The following TRIM37 variants were observed in gnomAD, a reference collection of about 807,000 sequenced individuals.
TRIM37 encodes tripartite motif containing 37, also known as E3 ubiquitin-protein ligase TRIM37.
A neutral mutation model predicts 129.8 loss-of-function variants in TRIM37; 80 were observed. That is an observed-to-expected ratio of 0.62 (90% confidence interval 0.51 to 0.74). The LOEUF (loss-of-function observed/expected upper bound fraction) is 0.74. TRIM37 is among the 30% of genes least tolerant of loss of function. The pLI, the probability that TRIM37 is intolerant of heterozygous loss-of-function variation, is 0.00. For synonymous variants in TRIM37, 389 were observed against 387.1 expected, an observed-to-expected ratio of 1.00 and a Z score of -0.06; for missense variants, 1,054 against 1,176.5, an observed-to-expected ratio of 0.90 and a Z score of 1.52.
chr17:59,001,152 G>A (rs568672480), intron 23 of TRIM37, among the ~76,000 whole-genome samples: 24 of 144,668 alleles, frequency 1.7e-4, no homozygotes, highest in Middle Eastern at 3.8e-3. Context: ...CCAAGATCAC[G>A]CCACAGCACT....
At chr17:59,001,469 AGAAGT>A in intron 23 of TRIM37, 124 bp downstream of exon 23, 21 of 1,067,714 alleles carry the variant, frequency 2.0e-5, no homozygotes, top group South Asian at 7.4e-5. Flanking sequence ...AAAAAAAAAA[AGAAGT>A]AGAAGCAGAA....
chr17:58,968,098 G>A, the TRIM37 span, among the ~76,000 whole-genome samples: 14 of 152,068 alleles, frequency 9.2e-5, no homozygotes, highest in Non-Finnish European at 1.3e-4. Flanking sequence ...CACCGCACCC[G>A]GCCAGGATTA....
intron 12 of TRIM37, chr17:59,059,344 A>C (rs1286123935): frequency 6.7e-6 from 1 of 149,858 alleles, no homozygotes; most frequent in African/African-American, 2.5e-5. Flanking sequence ...CTGTACTCCA[A>C]GCTGGGTGAT....
chr17:58,998,561 T>C lies in TRIM37; in HGVS notation c.*816A>G, dbSNP rs1322510065. The C allele has an allele frequency of 1.0e-6, 1 of 985,252 alleles. No homozygotes were observed. Among genetic ancestry groups the C allele is most frequent in the East Asian group, 1.1e-4 (1 of 8,834 alleles). The allele number at this position is 985,252 out of a possible 1,614,324, so 61.0% of individuals were successfully genotyped here. A position where few individuals can be genotyped will look rare whatever the true frequency, so the allele number is the denominator to read the frequency against. Reference sequence around the variant, plus strand: ...CAACATGAATGAATCTTTAAATGTGTTGACACTGAAATCAATGTACAACTA... The same window carrying C: ...CAACATGAATGAATCTTTAAATGTGCTGACACTGAAATCAATGTACAACTA... On this transcript the variant is annotated 3_prime_UTR_variant, in exon 24 of 24. Coordinates refer to ENST00000262294, the MANE Select transcript of TRIM37 (RefSeq NM_015294.6).
At chr17:59,065,919 T>C (rs544571355) in intron 9 of TRIM37, among the ~76,000 whole-genome samples, 3 of 152,350 alleles carry the variant, frequency 2.0e-5, no homozygotes, top group Non-Finnish European at 2.9e-5. Context: ...CAGATGTACT[T>C]TGCCCTGTGA....
In TRIM37 at chr17:58,998,277, G is replaced by C. The variant is rs1459045403; in HGVS notation, c.*1100C>G. 6.1e-6 allele frequency: 6 copies of C among 985,318 alleles called. No homozygotes were observed. In the African/African-American group the frequency reaches 1.0e-4, roughly 17 times the overall value. 61.0% of individuals were successfully genotyped at this position (985,318 alleles called of 1,614,324 possible). ...AGTAAACTATGAGTCACAGCATTCAGCAAGACATCAGACACGGAAGAGTGA... is the reference window on the plus strand; with the variant it reads ...AGTAAACTATGAGTCACAGCATTCACCAAGACATCAGACACGGAAGAGTGA... On this transcript the variant is annotated 3_prime_UTR_variant, in exon 24 of 24. Transcript: ENST00000262294.
chr17:59,100,380 G>A (rs2045344691), intron 2 of TRIM37, among the ~76,000 whole-genome samples: 3 of 152,194 alleles, frequency 2.0e-5, no homozygotes, highest in South Asian at 2.1e-4. Flanking sequence ...TAAACAAATT[G>A]TGGTAAATAC....
the TRIM37 span, chr17:58,972,124 G>A: frequency 6.2e-7 from 1 of 1,609,836 alleles, no homozygotes. Context: ...TATTTAAACT[G>A]TTTTCAGAGC....
chr17:58,999,647 G>A (rs1414288922), intron 23 of TRIM37, among the ~76,000 whole-genome samples, 188 bp from the exon 24 acceptor site: 1 of 151,848 alleles, frequency 6.6e-6, no homozygotes, highest in African/African-American at 2.4e-5. Context: ...AAACACAAAG[G>A]AAAAATAAAG....
At chr17:58,974,011 C>T in the TRIM37 span, among the ~76,000 whole-genome samples, 1 of 149,234 alleles carries the variant, frequency 6.7e-6, no homozygotes, top group South Asian at 2.1e-4. Context: ...TGCCTGTAGT[C>T]CTAGTACACA....
intron 11 of TRIM37, among the ~76,000 whole-genome samples, chr17:59,061,397 C>T (rs1399577358): frequency 1.3e-5 from 2 of 151,344 alleles, no homozygotes; most frequent in African/African-American, 2.4e-5. Flanking sequence ...AATAAAAAAA[C>T]AAGACCCTAA....
At position 59,022,922 on chromosome 17, in the gene TRIM37, T is replaced by C. The variant is rs183275590; in HGVS notation, c.2257+5493A>G. ...AAGCCTTTGTTACATATTTTGCAGA[T>C]ACAGTTGACGCTTGAACAGCACAGG... On this transcript the variant is annotated intron_variant, in intron 19 of 23. Transcript: ENST00000262294. 3.6e-3 allele frequency among the ~76,000 whole-genome samples: 550 copies of C among 152,306 alleles called. 3 individuals are homozygous for C. The highest frequency in any genetic ancestry group is 3.5e-3 in the Non-Finnish European group (236 of 68,014).
rs572351110 is a variant in TRIM37, at chr17:59,002,347, G to A, written c.2696-633C>T. ...ACTCCTAAGCTCAAGGGATACTTCC[G>A]CCTTAGCCTCCCAAGTAGATAGGTC... On this transcript the variant is annotated intron_variant, in intron 22 of 23. Transcript: ENST00000262294. Among the ~76,000 whole-genome samples, 17 of 152,114 alleles carry A rather than the reference G, an allele frequency of 1.1e-4. No homozygotes were observed. The South Asian group carries it at 3.3e-3, about 30-fold the overall frequency.
chr17:59,053,613 C>T (rs773250616), intron 13 of TRIM37, among the ~76,000 whole-genome samples: 3 of 151,866 alleles, frequency 2.0e-5, no homozygotes, highest in Non-Finnish European at 4.4e-5. Context: ...TAATAAGTAA[C>T]GCTAATAAGG....
In TRIM37 at chr17:59,070,342, T is replaced by C. The variant is rs114403630; in HGVS notation, c.809+481A>G. On this transcript the variant is annotated intron_variant, in intron 9 of 23. Coordinates refer to ENST00000262294, the MANE Select transcript of TRIM37 (RefSeq NM_015294.6). ...ATTCTTTTGGCATTTCATCAGTTTC[T>C]GAGTTTTGTGTTAGGAGATATAGTT... 9.6e-3 allele frequency among the ~76,000 whole-genome samples: 1,456 copies of C among 152,350 alleles called. 20 individuals are homozygous for C. Among genetic ancestry groups the C allele is most frequent in the African/African-American group, 0.033 (1,359 of 41,574 alleles).
intron 9 of TRIM37, among the ~76,000 whole-genome samples, chr17:59,067,049 TA>T (rs1469046054): frequency 1.3e-5 from 2 of 152,168 alleles, no homozygotes; most frequent in Non-Finnish European, 2.9e-5. Context: ...TTTATTTATT[TA>T]TTTTTTTGAG....
chr17:58,979,976 G>A, downstream of TRIM37: 1 of 1,609,004 alleles, frequency 6.2e-7, no homozygotes, highest in Non-Finnish European at 8.5e-7. Context: ...TCCCGCAGGA[G>A]ATGCTGAACA....
At chr17:59,031,816 C>G (rs2037875327) in intron 18 of TRIM37, 80 bp downstream of exon 18, 5 of 1,419,596 alleles carry the variant, frequency 3.5e-6, no homozygotes, top group Non-Finnish European at 4.9e-6. Context: ...CCACACATAG[C>G]TGAAATACTT....
At chr17:59,101,075 T>C (rs2147589012) in intron 2 of TRIM37, among the ~76,000 whole-genome samples, 1 of 150,298 alleles carries the variant, frequency 6.7e-6, no homozygotes, top group Non-Finnish European at 1.5e-5. Flanking sequence ...ACTTTAAATA[T>C]GTGTAGTTTA....
Sources: gnomAD v4.1 joint callset for allele counts (sites outside exome capture counted in the v4.1 genomes callset) on GRCh38, gnomAD v4.1.1 for gene constraint, MANE v1.5 for transcripts, NCBI Gene and HGNC (gene_info 2026-07-23, HGNC 2026-07-21) for gene names.